ELAPOR1: variants seen among roughly 807,000 people sequenced by gnomAD.
The protein encoded by ELAPOR1 is endosome-lysosome associated apoptosis and autophagy regulator 1, also known as endosome/lysosome-associated apoptosis and autophagy regulator 1.
In ELAPOR1, 77 loss-of-function variants were observed where a neutral mutation model predicts 119.7. The observed-to-expected ratio is 0.64, with a 90% CI of 0.54 to 0.78. The LOEUF is 0.78. Ranked by LOEUF, ELAPOR1 falls within the 30% of genes least tolerant of loss-of-function variation. The pLI is 0.00. For synonymous variants in ELAPOR1, 481 were observed against 487.2 expected, an observed-to-expected ratio of 0.99 and a Z score of 0.17; for missense variants, 1,115 against 1,270.4, an observed-to-expected ratio of 0.88 and a Z score of 1.86.
Position 109,197,990 on chromosome 1 carries a change from G to C in ELAPOR1, c.2314G>C (p.Asp772His), listed in dbSNP as rs1172404639. 6.2e-6 allele frequency: 10 copies of C among 1,614,158 alleles called. No individual in the cohort carries two copies. Among genetic ancestry groups the C allele is most frequent in the Non-Finnish European group, 8.5e-6 (10 of 1,179,988 alleles). ...LADRLIGVTT[D>H]MTLDGITSPA... Reference sequence around the variant, plus strand: ...CTCTAATTTGGCAGGGGTGACAACAGATATGACTCTGGATGGAATCACCTC... The same window carrying C: ...CTCTAATTTGGCAGGGGTGACAACACATATGACTCTGGATGGAATCACCTC... The change falls in exon 17 of 22, where the codon GAT (aspartate) becomes CAT (histidine). Residue 772 changes from aspartate (D) to histidine (H), a missense_variant. Physicochemically the swap from Asp to His is moderately conservative, Grantham distance 81 (BLOSUM62 -1). Transcript: ENST00000369939.
chr1:109,119,199 AT>A (rs577249345), intron 1 of ELAPOR1, among the ~76,000 whole-genome samples: 443 of 119,342 alleles, frequency 3.7e-3, no homozygotes, highest in Middle Eastern at 0.012. Flanking sequence ...ACCTGGCCTA[AT>A]TTTTTTTTTT....
intron 21 of ELAPOR1, 80 bp from the exon 22 acceptor site, chr1:109,202,864 C>T: frequency 7.6e-7 from 1 of 1,311,548 alleles, no homozygotes; most frequent in Non-Finnish European, 1.1e-6. Flanking sequence ...TTCCTTCTGT[C>T]ACCTATTTTC....
intron 7 of ELAPOR1, among the ~76,000 whole-genome samples, chr1:109,177,272 C>T (rs539779576): frequency 0.012 from 1,761 of 145,668 alleles, 30 homozygotes; most frequent in African/African-American, 0.044. Context: ...GGGCGGCTGC[C>T]GGGCAGAGAC....
intron 2 of ELAPOR1, among the ~76,000 whole-genome samples, chr1:109,162,619 A>G (rs1373126133): frequency 2.6e-5 from 4 of 152,230 alleles, no homozygotes; most frequent in African/African-American, 9.6e-5. Flanking sequence ...TCTTTTAGGA[A>G]TGCAAAGGGA....
chr1:109,174,439 A>AAAT (rs1652127110), intron 7 of ELAPOR1, among the ~76,000 whole-genome samples: 1 of 138,334 alleles, frequency 7.2e-6, no homozygotes, highest in African/African-American at 2.7e-5. Flanking sequence ...AAAAAAAAAA[A>AAAT]AAAAAAAAAT....
At chr1:109,158,621 T>A (rs543742074) in intron 1 of ELAPOR1, among the ~76,000 whole-genome samples, 1 of 152,250 alleles carries the variant, frequency 6.6e-6, no homozygotes, top group African/African-American at 2.4e-5. Context: ...CTGTGTCCCA[T>A]TTAGCAGTGT....
chr1:109,130,679 C>T (rs1037518030), intron 1 of ELAPOR1, among the ~76,000 whole-genome samples: 1 of 152,014 alleles, frequency 6.6e-6, no homozygotes, highest in South Asian at 2.1e-4. Flanking sequence ...GAGTTATTAA[C>T]CTTGTAAAAT....
intron 3 of ELAPOR1, among the ~76,000 whole-genome samples, chr1:109,165,584 TAAA>T (rs1161516161): frequency 1.7e-5 from 2 of 115,882 alleles, no homozygotes; most frequent in Admixed American, 8.9e-5. Context: ...AACTCCGTCT[TAAA>T]AAAAAAAAAA....
At position 109,166,140 on chromosome 1, in the gene ELAPOR1, C is replaced by T. The variant is rs563283208; in HGVS notation, c.467+1449C>T. Among the ~76,000 whole-genome samples the T allele has an allele frequency of 2.0e-5, 3 of 152,282 alleles. No individual in the cohort carries two copies. In the South Asian group the frequency reaches 6.2e-4, roughly 32 times the overall value. On this transcript the variant is annotated intron_variant, in intron 3 of 21. Transcript: ENST00000369939. The stretch of plus-strand genomic sequence containing the variant: ...CCGTGTTAGCCAGGATGGTCTCGAT[C>T]TCCTGACCTCGTGATCCACCTGCCT...
intron 1 of ELAPOR1, among the ~76,000 whole-genome samples, chr1:109,118,964 C>T (rs1648209538): frequency 7.1e-6 from 1 of 141,462 alleles, no homozygotes; most frequent in Non-Finnish European, 1.5e-5. Flanking sequence ...ATGGTGTGAT[C>T]TCTGCTCACT....
chr1:109,160,314 A>G (rs1268727251), intron 1 of ELAPOR1, among the ~76,000 whole-genome samples: 2 of 151,994 alleles, frequency 1.3e-5, no homozygotes, highest in Non-Finnish European at 2.9e-5. Context: ...CTAAAAAAAA[A>G]AAAAAGAAAA....
intron 18 of ELAPOR1, among the ~76,000 whole-genome samples, chr1:109,199,097 C>T (rs1003301763): frequency 3.3e-5 from 5 of 152,122 alleles, no homozygotes; most frequent in East Asian, 1.9e-4. Context: ...GACTTTAGGA[C>T]GTTTCATGAT....
chr1:109,159,485 A>T (rs1263613862), intron 1 of ELAPOR1, among the ~76,000 whole-genome samples: 1 of 152,200 alleles, frequency 6.6e-6, no homozygotes, highest in African/African-American at 2.4e-5. Context: ...AACAGATTAG[A>T]TATTTTAACA....
chr1:109,152,931 G>T (rs1650620677), intron 1 of ELAPOR1, among the ~76,000 whole-genome samples: 2 of 147,430 alleles, frequency 1.4e-5, no homozygotes, highest in African/African-American at 5.0e-5. Context: ...CAGCCTGGGT[G>T]GTGGAGTTAG....
At chr1:109,143,967 T>C (rs991099054) in intron 1 of ELAPOR1, among the ~76,000 whole-genome samples, 1 of 150,112 alleles carries the variant, frequency 6.7e-6, no homozygotes, top group Non-Finnish European at 1.5e-5. Context: ...GGCCTAAAGT[T>C]TGAACTTAAT....
chr1:109,164,491 T>C lies in ELAPOR1; in HGVS notation c.275-8T>C. On this transcript the variant is annotated splice_region_variant and splice_polypyrimidine_tract_variant and intron_variant, in intron 2 of 21. Transcript: ENST00000369939. ...ACTGCCCCACCTTGTCTCTGCCCTG[T>C]TTTCCAGCCTTCTCCTGCAACGCCG... 6.2e-7 allele frequency: 1 copy of C among 1,603,712 alleles called. No individual in the cohort carries two copies. The highest frequency in any genetic ancestry group is 2.2e-5 in the East Asian group (1 of 44,710).
chr1:109,144,794 T>C (rs1045831126), intron 1 of ELAPOR1, among the ~76,000 whole-genome samples: 8 of 152,162 alleles, frequency 5.3e-5, no homozygotes, highest in Non-Finnish European at 7.4e-5. Context: ...CTCAGTACTT[T>C]GTTTATATTT....
At chr1:109,129,967 G>A (rs972246057) in intron 1 of ELAPOR1, among the ~76,000 whole-genome samples, 7 of 152,016 alleles carry the variant, frequency 4.6e-5, no homozygotes, top group Non-Finnish European at 7.4e-5. Context: ...CCCTCTGAAG[G>A]TTCTAGGGAA....
rs758303583 is a variant in ELAPOR1, at chr1:109,173,743, G to A, written c.858G>A (p.Lys286=). The change falls in exon 7 of 22, where the codon AAG becomes AAA. Residue 286 remains lysine (K), a synonymous_variant. Transcript: ENST00000369939. ...FPCKPGTYAD[K]QGSSFCKLCP... ...GCAAACCTGGCACGTATGCAGACAAGCAGGGCTCCTCTTTCTGCAAACTTT... is the reference window on the plus strand; with the variant it reads ...GCAAACCTGGCACGTATGCAGACAAACAGGGCTCCTCTTTCTGCAAACTTT... 2.5e-6 allele frequency: 4 copies of A among 1,614,098 alleles called. No individual in the cohort carries two copies. The highest frequency in any genetic ancestry group is 3.4e-6 in the Non-Finnish European group (4 of 1,179,998).
Sources: gnomAD v4.1 joint callset for allele counts (sites outside exome capture counted in the v4.1 genomes callset) on GRCh38, gnomAD v4.1.1 for gene constraint, MANE v1.5 for transcripts, NCBI Gene and HGNC (gene_info 2026-07-23, HGNC 2026-07-21) for gene names.